The following SF3A3 variants were observed in gnomAD, a reference collection of about 807,000 sequenced individuals.
SF3A3 encodes splicing factor 3a subunit 3, also known as SAP 61.
A neutral mutation model predicts 85.8 loss-of-function variants in SF3A3; 9 were observed. The observed-to-expected ratio is 0.10, with a 90% CI of 0.06 to 0.18. The LOEUF (loss-of-function observed/expected upper bound fraction) is 0.18, where lower values mean the gene tolerates loss of function less well. Ranked by LOEUF, SF3A3 falls within the 10% of genes least tolerant of loss-of-function variation. SF3A3 has a pLI of 1.00. For missense variants in SF3A3, 306 were observed against 593.3 expected (o/e 0.52, Z 5.03); for synonymous variants, 195 against 204.4 (o/e 0.95, Z 0.39).
intron 8 of SF3A3, among the ~76,000 whole-genome samples, chr1:37,979,787 G>A (rs1384197472): frequency 1.3e-5 from 2 of 152,154 alleles, no homozygotes; most frequent in Non-Finnish European, 2.9e-5. Context: ...AGCCCACAAG[G>A]TTGAGGCTGC....
chr1:37,958,520 G>C (rs1646235305), intron 16 of SF3A3, among the ~76,000 whole-genome samples: 1 of 152,204 alleles, frequency 6.6e-6, no homozygotes. Context: ...CCCATCATTA[G>C]AGTATCTGAG....
Position 37,989,614 on chromosome 1 carries a change from A to G in SF3A3, c.97-19T>C. 1 of 1,613,434 alleles carries G rather than the reference A, an allele frequency of 6.2e-7. No individual in the cohort carries two copies. Among genetic ancestry groups the G allele is most frequent in the Non-Finnish European group, 8.5e-7 (1 of 1,179,714 alleles). Reference sequence around the variant, plus strand: ...CCCGGAGCTGAAAAAACAAACGGTGACACAAACGCCGTTAGTTTGCGTTCT... The same window carrying G: ...CCCGGAGCTGAAAAAACAAACGGTGGCACAAACGCCGTTAGTTTGCGTTCT... On this transcript the variant is annotated intron_variant, in intron 1 of 16. Coordinates refer to ENST00000373019, the MANE Select transcript of SF3A3 (RefSeq NM_006802.4).
At chr1:37,970,568 C>T (rs1570459606) in intron 12 of SF3A3, among the ~76,000 whole-genome samples, 1 of 1,872 alleles carries the variant, frequency 5.3e-4, no homozygotes, top group Non-Finnish European at 8.4e-4. Flanking sequence ...TTCTCAGCAC[C>T]ACATCACACT....
chr1:37,980,911 G>A (rs1270469757), intron 7 of SF3A3, 187 bp from the exon 8 acceptor site: 7 of 363,084 alleles, frequency 1.9e-5, no homozygotes, highest in East Asian at 1.8e-4. Flanking sequence ...GTGCAATGGC[G>A]GGATCTTGGC....
At chr1:37,969,805 C>T (rs752585441) in intron 12 of SF3A3, 70 bp from the exon 13 acceptor site, 1 of 1,550,536 alleles carries the variant, frequency 6.4e-7, no homozygotes, top group Non-Finnish European at 8.8e-7. Flanking sequence ...TTCCTGTTTT[C>T]CTGTAACTTT....
chr1:37,976,063 G>A (rs1436226661), intron 12 of SF3A3, among the ~76,000 whole-genome samples: 2 of 152,004 alleles, frequency 1.3e-5, no homozygotes, highest in African/African-American at 4.8e-5. Context: ...GGCTGAGGCA[G>A]GAGACTTGCT....
At position 37,979,549 on chromosome 1, in the gene SF3A3, T is replaced by G. The variant is rs760496709; in HGVS notation, c.691-16A>C. On this transcript the variant is annotated splice_polypyrimidine_tract_variant and intron_variant, in intron 8 of 16. Coordinates refer to ENST00000373019, the MANE Select transcript of SF3A3 (RefSeq NM_006802.4). ...TTGTCTCTTTCTGGAAAGAACAATA[T>G]GGTATTTATTAAGATCCAGGTTTAG... The G allele has an allele frequency of 7.5e-6, 12 of 1,601,736 alleles. No individual in the cohort carries two copies. Among genetic ancestry groups the G allele is most frequent in the Middle Eastern group, 1.7e-4 (1 of 6,048 alleles).
chr1:37,973,587 GCTGGA>G (rs1433312278), intron 12 of SF3A3, among the ~76,000 whole-genome samples: 1 of 152,224 alleles, frequency 6.6e-6, no homozygotes, highest in Non-Finnish European at 1.5e-5. Flanking sequence ...AACAACAGGT[GCTGGA>G]GAGGATGTGG....
intron 14 of SF3A3, among the ~76,000 whole-genome samples, chr1:37,968,457 A>C (rs1646317603): frequency 2.0e-5 from 3 of 152,216 alleles, no homozygotes; most frequent in South Asian, 4.1e-4. Context: ...TTGCAGGAGA[A>C]CTTACCAAAG....
At chr1:37,964,892 C>T (rs1343152456) in intron 15 of SF3A3, among the ~76,000 whole-genome samples, 3 of 152,142 alleles carry the variant, frequency 2.0e-5, no homozygotes, top group Non-Finnish European at 4.4e-5. Context: ...AGCATGGTGG[C>T]TCATGCCTAT....
At chr1:37,958,408 A>G in intron 16 of SF3A3, 145 bp from the exon 17 acceptor site, 1 of 653,386 alleles carries the variant, frequency 1.5e-6, no homozygotes, top group South Asian at 1.8e-5. Flanking sequence ...GCCTTTCTCA[A>G]CTGGGGTTCC....
chr1:37,976,134 T>G (rs1646378037), intron 12 of SF3A3, among the ~76,000 whole-genome samples: 1 of 139,970 alleles, frequency 7.1e-6, no homozygotes, highest in African/African-American at 2.7e-5. Flanking sequence ...CCAGCCTGGG[T>G]GACAGAGCAA....
chr1:37,971,325 A>C (rs968359200), intron 12 of SF3A3, among the ~76,000 whole-genome samples: 2 of 152,208 alleles, frequency 1.3e-5, no homozygotes, highest in African/African-American at 4.8e-5. Flanking sequence ...GAATCCCTGA[A>C]TAGACCAATA....
chr1:37,985,359 T>C (rs1165817730), intron 4 of SF3A3, among the ~76,000 whole-genome samples: 1 of 152,226 alleles, frequency 6.6e-6, no homozygotes, highest in East Asian at 1.9e-4. Flanking sequence ...AACAGAGCTT[T>C]TGCTATGCCA....
At chr1:37,961,578 C>G (rs1295341197) in intron 15 of SF3A3, among the ~76,000 whole-genome samples, 1 of 150,836 alleles carries the variant, frequency 6.6e-6, no homozygotes, top group East Asian at 2.0e-4. Context: ...GAGTGGAACT[C>G]CGTCTCAAAA....
chr1:37,958,386 G>A (rs1373924026), intron 16 of SF3A3, 123 bp from the exon 17 acceptor site: 25 of 721,564 alleles, frequency 3.5e-5, no homozygotes, highest in Admixed American at 4.2e-5. Flanking sequence ...ACTAAGATTG[G>A]CATTCATCTA....
At chr1:37,985,797 C>T (rs1646451999) in intron 4 of SF3A3, among the ~76,000 whole-genome samples, 1 of 152,000 alleles carries the variant, frequency 6.6e-6, no homozygotes, top group South Asian at 2.1e-4. Context: ...GTGAGGGTCC[C>T]TTCATTTACC....
rs1374840750 is a variant in SF3A3, at chr1:37,958,073, A to G, written c.*113T>C. ...CTTGTTTCTACAAGATGCATGCTAG[A>G]CCATGAGACTACATAGCAAAGGGTC... is the stretch of plus-strand genomic sequence containing the variant. On this transcript the variant is annotated 3_prime_UTR_variant, in exon 17 of 17. Transcript: ENST00000373019. 1.1e-5 allele frequency: 8 copies of G among 736,970 alleles called. No individual in the cohort carries two copies. The African/African-American group carries it at 1.2e-4, about 11-fold the overall frequency. 45.7% of individuals were successfully genotyped at this position (736,970 alleles called of 1,614,324 possible).
At chr1:37,978,639 A>G in intron 11 of SF3A3, 81 bp downstream of exon 11, 2 of 826,496 alleles carry the variant, frequency 2.4e-6, no homozygotes, top group East Asian at 2.7e-5. Context: ...AGCAGGCTTT[A>G]AAGTCTCCAC....
Sources: allele counts gnomAD v4.1 joint callset (sites outside exome capture counted in the v4.1 genomes callset), GRCh38; gene constraint gnomAD v4.1.1; transcripts MANE v1.5; gene names NCBI Gene and HGNC (gene_info 2026-07-23, HGNC 2026-07-21).